NFATC1: variants seen among roughly 807,000 people sequenced by gnomAD.
NFATC1 encodes the protein nuclear factor of activated T-cells, cytoplasmic 1.
In NFATC1, 22 loss-of-function variants were observed where a neutral mutation model predicts 76.0. The observed-to-expected ratio is 0.29, with a 90% CI of 0.21 to 0.41. The LOEUF (loss-of-function observed/expected upper bound fraction) is 0.41. Ranked by LOEUF, NFATC1 falls within the 10% of genes least tolerant of loss-of-function variation. The probability of loss-of-function intolerance (pLI) is 1.00; values close to 1 mark genes in which losing one functional copy is unlikely to be tolerated. For missense variants in NFATC1, 1,357 were observed against 1,337.7 expected (o/e 1.01, Z -0.23); for synonymous variants, 704 against 613.1 (o/e 1.15, Z -2.19).
At chr18:79,498,739 G>A (rs1349072321) in intron 9 of NFATC1, among the ~76,000 whole-genome samples, 1 of 152,238 alleles carries the variant, frequency 6.6e-6, no homozygotes, top group Non-Finnish European at 1.5e-5. Context: ...ACTGTTGAAA[G>A]TCAAAGGGAG....
chr18:79,445,080 G>T (rs1311467528), intron 3 of NFATC1, among the ~76,000 whole-genome samples: 2 of 152,262 alleles, frequency 1.3e-5, no homozygotes, highest in Non-Finnish European at 2.9e-5. Context: ...CGGGTTTGGG[G>T]TGCTCCCTTC....
chr18:79,395,947 A>T lies in NFATC1; in HGVS notation c.-278A>T. ...GCGGCCCTGCGTCAGAGCGAGACTC[A>T]GAGGCTCCGAACTCGCCGGCGGAGT... On this transcript the variant is annotated 5_prime_UTR_variant, in exon 1 of 10. Transcript: ENST00000427363. 5.5e-6 allele frequency: 1 copy of T among 182,916 alleles called. No homozygotes were observed. Among genetic ancestry groups the T allele is most frequent in the Non-Finnish European group, 1.1e-5 (1 of 89,058 alleles). The allele number at this position is 182,916 out of a possible 1,614,324, so 11.3% of individuals were successfully genotyped here.
At chr18:79,451,184 C>A in intron 5 of NFATC1, 58 bp downstream of exon 5, 3 of 1,535,686 alleles carry the variant, frequency 2.0e-6, no homozygotes, top group Non-Finnish European at 2.7e-6. Context: ...ATGCGCTTCA[C>A]TGTCTCACCC....
At position 79,473,473 on chromosome 18, in the gene NFATC1, C is replaced by T. The variant is rs522752; in HGVS notation, c.2092+5891C>T. On this transcript the variant is annotated intron_variant, in intron 8 of 9. Transcript: ENST00000427363. ...TCTCAGCTCATTGTCGACGTAAACCCCAGGGAAGCGTGTTCTCACGCTCAC... is the reference window on the plus strand; with the variant it reads ...TCTCAGCTCATTGTCGACGTAAACCTCAGGGAAGCGTGTTCTCACGCTCAC... 4.0e-3 allele frequency among the ~76,000 whole-genome samples: 600 copies of T among 148,874 alleles called. 5 individuals carry two copies. Among genetic ancestry groups the T allele is most frequent in the African/African-American group, 0.014 (560 of 39,978 alleles).
intron 6 of NFATC1, among the ~76,000 whole-genome samples, chr18:79,459,036 C>G (rs2087906217): frequency 6.6e-6 from 1 of 152,248 alleles, no homozygotes; most frequent in South Asian, 2.1e-4. Context: ...CGGGGAGAGG[C>G]CCCACCTCCA....
intron 2 of NFATC1, among the ~76,000 whole-genome samples, chr18:79,415,414 C>T (rs1326426472): frequency 6.6e-6 from 1 of 152,056 alleles, no homozygotes; most frequent in Non-Finnish European, 1.5e-5. Flanking sequence ...TCCCAAGTAG[C>T]TGGGCCTACA....
chr18:79,485,247 T>C (rs951356307), intron 8 of NFATC1, among the ~76,000 whole-genome samples: 1 of 152,218 alleles, frequency 6.6e-6, no homozygotes, highest in African/African-American at 2.4e-5. Flanking sequence ...GGAGACTCAC[T>C]CACAGCTTGC....
At chr18:79,495,829 T>G (rs1050257172) in intron 9 of NFATC1, among the ~76,000 whole-genome samples, 1 of 152,176 alleles carries the variant, frequency 6.6e-6, no homozygotes, top group Non-Finnish European at 1.5e-5. Context: ...GGTGTGTCAC[T>G]GTAACACAGG....
chr18:79,513,431 G>C (rs9946665), intron 9 of NFATC1, among the ~76,000 whole-genome samples: 3,585 of 152,244 alleles, frequency 0.024, 133 homozygotes, highest in African/African-American at 0.083. Context: ...AGATACCCGC[G>C]TCATCCCCCG....
intron 6 of NFATC1, among the ~76,000 whole-genome samples, chr18:79,455,812 C>CCCA (rs2087695242): frequency 9.3e-6 from 1 of 107,644 alleles, no homozygotes; most frequent in Non-Finnish European, 2.0e-5. Flanking sequence ...GCCCCATCCT[C>CCCA]TGGCCCTGGA....
At position 79,527,853 on chromosome 18, in the gene NFATC1, C is replaced by T; in HGVS notation, c.*276C>T. ...CACGGGAGACCCACCGTGCAGGGGCCTTTCATGGGAACGGCCCACACGCAG... is the reference window on the plus strand; with the variant it reads ...CACGGGAGACCCACCGTGCAGGGGCTTTTCATGGGAACGGCCCACACGCAG... On this transcript the variant is annotated 3_prime_UTR_variant, in exon 10 of 10. Transcript: ENST00000427363. The T allele has an allele frequency of 2.0e-6, 1 of 511,780 alleles. No individual in the cohort carries two copies. The highest frequency in any genetic ancestry group is 3.5e-6 in the Non-Finnish European group (1 of 289,056). 31.7% of individuals were successfully genotyped at this position (511,780 alleles called of 1,614,324 possible).
At chr18:79,501,733 C>A (rs2090020178) in intron 9 of NFATC1, among the ~76,000 whole-genome samples, 4 of 151,038 alleles carry the variant, frequency 2.6e-5, no homozygotes, top group Admixed American at 6.6e-5. Context: ...AGGAATAATC[C>A]AAAAATGAAA....
Position 79,486,445 on chromosome 18 carries a change from G to A in NFATC1, c.2290G>A (p.Val764Met), listed in dbSNP as rs145230460. 1,612 of 1,611,732 alleles carry A rather than the reference G, an allele frequency of 1.0e-3. 12 individuals carry two copies. In the African/African-American group the frequency reaches 0.012, roughly 12 times the overall value. ...RSTLMPAAPG[V>M]SPKLHDLSPA... ...CACCCTGATGCCAGCGGCCCCTGGCGTGAGCCCCAAGCTCCACGACCTTTC... is the reference window on the plus strand; with the variant it reads ...CACCCTGATGCCAGCGGCCCCTGGCATGAGCCCCAAGCTCCACGACCTTTC... The change falls in exon 9 of 10, where the codon GTG becomes ATG. Residue 764 changes from valine (V) to methionine (M), a missense_variant. Transcript: ENST00000427363.
At chr18:79,489,875 A>T (rs941605579) in intron 9 of NFATC1, among the ~76,000 whole-genome samples, 2 of 152,236 alleles carry the variant, frequency 1.3e-5, no homozygotes, top group African/African-American at 4.8e-5. Flanking sequence ...TTTCGGGGTT[A>T]GCGTACGGCG....
chr18:79,508,243 C>T (rs902929670), intron 9 of NFATC1, among the ~76,000 whole-genome samples: 2 of 151,554 alleles, frequency 1.3e-5, no homozygotes, highest in African/African-American at 4.9e-5. Context: ...GACGGACGGA[C>T]GGAGGGCGCC....
chr18:79,487,056 A>G, intron 9 of NFATC1, 119 bp downstream of exon 9: 3 of 1,211,676 alleles, frequency 2.5e-6, no homozygotes, highest in Non-Finnish European at 3.4e-6. Flanking sequence ...GGCACCGGGC[A>G]GGGTGTGGGG....
chr18:79,490,685 C>T (rs964165869), intron 9 of NFATC1, among the ~76,000 whole-genome samples: 2 of 152,168 alleles, frequency 1.3e-5, no homozygotes, highest in Non-Finnish European at 2.9e-5. Context: ...AGCCGTTTCC[C>T]GCGTCCTGGG....
At chr18:79,481,276 C>T (rs1290384783) in intron 8 of NFATC1, among the ~76,000 whole-genome samples, 2 of 152,250 alleles carry the variant, frequency 1.3e-5, no homozygotes, top group Non-Finnish European at 2.9e-5. Context: ...GGCGCCATGG[C>T]CTAAGGCAAG....
At chr18:79,474,829 TTC>T (rs1306708691) in intron 8 of NFATC1, among the ~76,000 whole-genome samples, 3 of 143,594 alleles carry the variant, frequency 2.1e-5, no homozygotes, top group Non-Finnish European at 3.0e-5. Flanking sequence ...GGGAAGCGTG[TTC>T]TCACGCTCGC....
Sources: gnomAD v4.1 joint callset for allele counts (sites outside exome capture counted in the v4.1 genomes callset) on GRCh38, gnomAD v4.1.1 for gene constraint, MANE v1.5 for transcripts, NCBI Gene and HGNC (gene_info 2026-07-23, HGNC 2026-07-21) for gene names.